The following TENM1 variants were observed in gnomAD, a reference collection of about 807,000 sequenced individuals.
The protein encoded by TENM1 is teneurin-1.
In TENM1, 35 loss-of-function variants were observed where a neutral mutation model predicts 174.8. The ratio of observed to expected loss-of-function variants is 0.20; its 90% CI spans 0.15 to 0.27. The LOEUF is 0.27. Among genes scored for constraint, TENM1 ranks in the 10% least tolerant of loss-of-function variants. The probability of loss-of-function intolerance (pLI) is 1.00; values close to 1 mark genes in which losing one functional copy is unlikely to be tolerated. For synonymous variants in TENM1, 781 were observed against 798.7 expected (o/e 0.98, Z 0.37); for missense variants, 1,633 against 2,130.1 (o/e 0.77, Z 4.59).
At chrX:124,920,800 T>C (rs2058007815) in intron 1 of TENM1, among the ~76,000 whole-genome samples, 1 of 110,745 alleles carries the variant, frequency 9.0e-6, no homozygotes, top group Non-Finnish European at 1.9e-5. Context: ...TTCATTTTTA[T>C]ATGGAATGTG....
chrX:124,987,657 T>A, the TENM1 span, among the ~76,000 whole-genome samples: 1 of 110,179 alleles, frequency 9.1e-6, no homozygotes, highest in East Asian at 2.8e-4. Context: ...CCAGTTAAGA[T>A]GTTGACACTA....
At chrX:125,021,660 T>C in the TENM1 span, among the ~76,000 whole-genome samples, 2 of 112,006 alleles carry the variant, frequency 1.8e-5, no homozygotes, top group African/African-American at 6.5e-5. Flanking sequence ...GTTGTAACTA[T>C]ACAGCTCTGT....
At chrX:125,202,628 G>C in the TENM1 span, among the ~76,000 whole-genome samples, 1 of 110,955 alleles carries the variant, frequency 9.0e-6, no homozygotes, top group Non-Finnish European at 1.9e-5. Context: ...CCGACGGCGA[G>C]TACGAGCTGC....
chrX:124,397,281 A>G (rs1002455270), intron 27 of TENM1, among the ~76,000 whole-genome samples: 1 of 112,349 alleles, frequency 8.9e-6, no homozygotes, highest in Non-Finnish European at 1.9e-5. Context: ...AGTTAGAAAA[A>G]TAACATTGTA....
At chrX:124,957,359 A>T (rs2058590253) in intron 1 of TENM1, among the ~76,000 whole-genome samples, 1 of 110,876 alleles carries the variant, frequency 9.0e-6, no homozygotes, top group Admixed American at 9.6e-5. Context: ...TGAGTCGGGC[A>T]GATCACTTGA....
the TENM1 span, among the ~76,000 whole-genome samples, chrX:125,093,046 C>T: frequency 2.7e-5 from 3 of 112,006 alleles, no homozygotes; most frequent in African/African-American, 9.7e-5. Context: ...AATATTATTG[C>T]TGATAAGTGT....
intron 5 of TENM1, among the ~76,000 whole-genome samples, chrX:124,693,211 A>T (rs1307299438): frequency 3.6e-5 from 4 of 110,501 alleles, no homozygotes; most frequent in Non-Finnish European, 7.6e-5. Flanking sequence ...AGGAGTTGAT[A>T]GTTTTGAGTC....
chrX:124,856,867 T>C (rs1055047956), intron 3 of TENM1, among the ~76,000 whole-genome samples: 3 of 111,044 alleles, frequency 2.7e-5, no homozygotes, highest in Admixed American at 1.9e-4. Flanking sequence ...TTTAAAACAA[T>C]AGACTATAAT....
At position 124,671,799 on chromosome X, in the gene TENM1, G is replaced by C. The variant is rs760048331; in HGVS notation, c.1052C>G (p.Pro351Arg). 2.5e-6 allele frequency: 3 copies of C among 1,209,919 alleles called. No homozygotes were observed. In the South Asian group the frequency reaches 5.3e-5, roughly 21 times the overall value. ...ATTTGCATACAGCTCTCCTTCAACT[G>C]GTTGCAACTGCCAAGTCAGGCCGAA... The change falls in exon 6 of 32, where the codon CCA becomes CGA. Residue 351 changes from proline (P) to arginine (R), a missense_variant. Coordinates refer to ENST00000422452, the Ensembl canonical transcript of TENM1.
chrX:125,161,546 A>G, the TENM1 span, among the ~76,000 whole-genome samples: 8 of 111,792 alleles, frequency 7.2e-5, no homozygotes, highest in Admixed American at 6.7e-4. Flanking sequence ...CAAAACCCAC[A>G]TATTGTATGA....
chrX:124,486,137 G>GA (rs916024924), intron 21 of TENM1, among the ~76,000 whole-genome samples: 18 of 111,490 alleles, frequency 1.6e-4, no homozygotes, highest in African/African-American at 3.3e-4. Flanking sequence ...ACCTGAGAAA[G>GA]AAAAAAACCA....
chrX:124,775,303 CAAAAA>C (rs35934307), intron 3 of TENM1, among the ~76,000 whole-genome samples: 1 of 50,301 alleles, frequency 2.0e-5, no homozygotes. Flanking sequence ...AAGACTCCGT[CAAAAA>C]AAAAAAAAAA....
the TENM1 span, among the ~76,000 whole-genome samples, chrX:125,125,627 C>A: frequency 8.9e-6 from 1 of 111,865 alleles, no homozygotes; most frequent in Non-Finnish European, 1.9e-5. Context: ...GCCCTGCTTT[C>A]GCCAGTGCAT....
At chrX:125,001,710 C>T in the TENM1 span, among the ~76,000 whole-genome samples, 3 of 110,597 alleles carry the variant, frequency 2.7e-5, no homozygotes, top group African/African-American at 6.6e-5. Context: ...CCTGTTTATT[C>T]CTAATAGTCC....
chrX:124,804,117 T>A (rs1019666380), intron 3 of TENM1, among the ~76,000 whole-genome samples: 1 of 112,079 alleles, frequency 8.9e-6, no homozygotes. Flanking sequence ...TGACAATGAT[T>A]TTCTCTCTTC....
At chrX:125,023,344 A>G in the TENM1 span, among the ~76,000 whole-genome samples, 1 of 111,364 alleles carries the variant, frequency 9.0e-6, no homozygotes. Flanking sequence ...CACGATGATT[A>G]TAAGTTTCGT....
the TENM1 span, among the ~76,000 whole-genome samples, chrX:125,006,743 C>T: frequency 1.8e-5 from 2 of 111,207 alleles, no homozygotes; most frequent in Non-Finnish European, 3.8e-5. Context: ...GAGTGGACAC[C>T]CAGCAAATTG....
In TENM1 at chrX:124,609,164, C is replaced by T. The variant is rs746348609; in HGVS notation, c.2077+32627G>A. On this transcript the variant is annotated intron_variant, in intron 11 of 31. Coordinates refer to ENST00000422452, the Ensembl canonical transcript of TENM1. ...CACAGGGGGTTTTTGAATAGTAGAA[C>T]TTGCCTTCCCCATTTCCCCTAAGGG... Among the ~76,000 whole-genome samples the T allele has an allele frequency of 6.3e-5, 7 of 111,416 alleles. No homozygotes were observed. In the South Asian group the frequency reaches 1.9e-3, roughly 30 times the overall value.
At chrX:125,014,340 G>T in the TENM1 span, among the ~76,000 whole-genome samples, 40 of 112,624 alleles carry the variant, frequency 3.6e-4, no homozygotes, top group African/African-American at 1.3e-3. Context: ...TATGTAGCCT[G>T]TCATCTTTAA....
Sources: gnomAD v4.1 joint callset for allele counts (sites outside exome capture counted in the v4.1 genomes callset) on GRCh38, gnomAD v4.1.1 for gene constraint, MANE v1.5 for transcripts, NCBI Gene and HGNC (gene_info 2026-07-23, HGNC 2026-07-21) for gene names.